SLC22A23: variants seen among roughly 807,000 people sequenced by gnomAD.
SLC22A23 encodes the protein solute carrier family 22 member 23.
In SLC22A23, 26 loss-of-function variants were observed where a neutral mutation model predicts 61.0. The ratio of observed to expected loss-of-function variants is 0.43; its 90% confidence interval spans 0.31 to 0.59. The LOEUF is 0.59. SLC22A23 is among the 20% of genes least tolerant of loss of function. The pLI, the probability that SLC22A23 is intolerant of heterozygous loss-of-function variation, is 0.11. For synonymous variants in SLC22A23, 430 were observed against 413.9 expected, an observed-to-expected ratio of 1.04 and a Z score of -0.47; for missense variants, 796 against 934.7, an observed-to-expected ratio of 0.85 and a Z score of 1.94.
At chr6:3,444,055 A>G (rs1015381947) in intron 1 of SLC22A23, among the ~76,000 whole-genome samples, 5 of 152,188 alleles carry the variant, frequency 3.3e-5, no homozygotes. Flanking sequence ...AGTTACTTGT[A>G]GCCAAAAGAG....
intron 5 of SLC22A23, chr6:3,290,131 A>C: frequency 1.9e-6 from 1 of 523,832 alleles, no homozygotes; most frequent in Non-Finnish European, 3.5e-6. Flanking sequence ...TCCATCACAA[A>C]CCCTTGTTTT....
intron 9 of SLC22A23, among the ~76,000 whole-genome samples, chr6:3,279,509 C>CAAAAAAAAAAAAAAAAA (rs10642564): frequency 0.012 from 420 of 36,010 alleles, 143 homozygotes; most frequent in Middle Eastern, 0.029. Flanking sequence ...GGCTCCGTCT[C>CAAAAAAAAAAAAAAAAA]AAAAAAAAAA....
Position 3,386,616 on chromosome 6 carries a change from G to T in SLC22A23, c.913+23572C>A, listed in dbSNP as rs1340801005. On this transcript the variant is annotated intron_variant, in intron 3 of 9. Transcript: ENST00000406686. This position sits in a 1 kb window ranked among gnomAD's most constrained non-coding sequence, Gnocchi z 4.4. ...AGTAGCCGTGCCAAGCGTGGCTGGG[G>T]ACAGCCCGAGAGCTCAGAACGGCCT... 6.6e-6 allele frequency among the ~76,000 whole-genome samples: 1 copy of T among 152,230 alleles called. No homozygotes were observed. The highest frequency in any genetic ancestry group is 1.5e-5 in the Non-Finnish European group (1 of 68,042).
intron 3 of SLC22A23, among the ~76,000 whole-genome samples, chr6:3,375,075 ATTCT>A (rs1202198888): frequency 6.6e-6 from 1 of 152,212 alleles, no homozygotes; most frequent in African/African-American, 2.4e-5. Flanking sequence ...AAATCCAAAC[ATTCT>A]TTATTTCACA....
At chr6:3,295,319 G>A (rs950628503) in intron 5 of SLC22A23, among the ~76,000 whole-genome samples, 29 of 152,236 alleles carry the variant, frequency 1.9e-4, no homozygotes, top group African/African-American at 6.3e-4. Flanking sequence ...GGAGCTGAGA[G>A]GACAGGGAGT....
In SLC22A23 at chr6:3,296,516, GAATT is replaced by G. The variant is rs542117006; in HGVS notation, c.1210+1571_1210+1574del. ...CACTTGGGGGCTAAATATTAAATAT[GAATT>G]AATATTTGCAAATCACTTAGAAAAG... On this transcript the variant is annotated intron_variant, in intron 5 of 9. Coordinates refer to ENST00000406686, the MANE Select transcript of SLC22A23 (RefSeq NM_015482.2). Among the ~76,000 whole-genome samples the G allele has an allele frequency of 1.3e-4, 20 of 152,314 alleles. No homozygotes were observed. The South Asian group carries it at 3.5e-3, about 27-fold the overall frequency.
intron 1 of SLC22A23, among the ~76,000 whole-genome samples, chr6:3,425,285 C>CTT (rs33955202): frequency 0.52 from 60,126 of 115,710 alleles, 16,853 homozygotes; most frequent in South Asian, 0.73. Context: ...ATGAATAATT[C>CTT]TTTTTTTTTT....
chr6:3,432,488 T>C, intron 1 of SLC22A23: 1 of 705,052 alleles, frequency 1.4e-6, no homozygotes, highest in Non-Finnish European at 1.7e-6. Flanking sequence ...CAGGAACGCG[T>C]CTCCTTCTAG....
rs543604897 is a variant in SLC22A23 at position 3,432,833 on chromosome 6, C to T, written c.655-16978G>A. Among the ~76,000 whole-genome samples the T allele has an allele frequency of 4.6e-5, 7 of 152,362 alleles. No homozygotes were observed. In the East Asian group the frequency reaches 1.3e-3, roughly 29 times the overall value. On this transcript the variant is annotated intron_variant, in intron 1 of 9. Coordinates refer to ENST00000406686, the MANE Select transcript of SLC22A23 (RefSeq NM_015482.2). ...GGTTTTTAGCAAGGAGCAGGCAAAT[C>T]AGGAGGCCTGGCCCTCCTTCTCTCA...
At position 3,330,960 on chromosome 6, in the gene SLC22A23, C is replaced by T. The variant is rs1401108912; in HGVS notation, c.914-6958G>A. ...ACTGAATTAACTACCAATTGAATAC[C>T]TATCATGTCTGCACTACTAGGCGAA... On this transcript the variant is annotated intron_variant, in intron 3 of 9. Transcript: ENST00000406686. The surrounding 1 kb of genome is among the most constrained non-coding windows in gnomAD (Gnocchi z 4.7). Among the ~76,000 whole-genome samples, 1 of 152,192 alleles carries T rather than the reference C, an allele frequency of 6.6e-6. No individual in the cohort carries two copies. The highest frequency in any genetic ancestry group is 1.5e-5 in the Non-Finnish European group (1 of 68,036).
rs1049438775 is a variant in SLC22A23 at position 3,308,239 on chromosome 6, C to T, written c.1083-10021G>A. On this transcript the variant is annotated intron_variant, in intron 4 of 9. Transcript: ENST00000406686. This position sits in a 1 kb window ranked among gnomAD's most constrained non-coding sequence, Gnocchi z 5.1. Reference sequence around the variant, plus strand: ...AATATTACAGAGAAGACGAAAGCCCCCCCATACCGCTCACCCCAATCCCAG... The same window carrying T: ...AATATTACAGAGAAGACGAAAGCCCTCCCATACCGCTCACCCCAATCCCAG... Among the ~76,000 whole-genome samples the T allele has an allele frequency of 6.6e-6, 1 of 152,150 alleles. No individual in the cohort carries two copies. The highest frequency in any genetic ancestry group is 1.5e-5 in the Non-Finnish European group (1 of 68,038).
At chr6:3,280,324 C>T (rs1759321540) in intron 9 of SLC22A23, among the ~76,000 whole-genome samples, 2 of 152,086 alleles carry the variant, frequency 1.3e-5, no homozygotes, top group Admixed American at 6.5e-5. Context: ...TGGGCAGCTC[C>T]GTCTGGTTCC....
At chr6:3,352,651 A>G (rs921854017) in intron 3 of SLC22A23, among the ~76,000 whole-genome samples, 5 of 152,202 alleles carry the variant, frequency 3.3e-5, no homozygotes, top group African/African-American at 1.2e-4. Context: ...TGAATCATGG[A>G]AAATGGACTC....
intron 3 of SLC22A23, among the ~76,000 whole-genome samples, chr6:3,339,864 T>C (rs1489284887): frequency 1.3e-5 from 2 of 152,248 alleles, no homozygotes; most frequent in East Asian, 1.9e-4. Context: ...TTTATTCCTT[T>C]ACTTTCTTAA....
Position 3,324,426 on chromosome 6 carries a change from C to T in SLC22A23, c.914-424G>A, listed in dbSNP as rs973395994. Among the ~76,000 whole-genome samples the T allele has an allele frequency of 2.6e-5, 4 of 152,112 alleles. No homozygotes were observed. Among genetic ancestry groups the T allele is most frequent in the African/African-American group, 7.2e-5 (3 of 41,398 alleles). On this transcript the variant is annotated intron_variant, in intron 3 of 9. Transcript: ENST00000406686. The surrounding 1 kb of genome is among the most constrained non-coding windows in gnomAD (Gnocchi z 4.3). ...CATGATGCTGTATTAGGGGCCATCTCGACCTCTAGACAGGACACCAGGCAT... is the reference window on the plus strand; with the variant it reads ...CATGATGCTGTATTAGGGGCCATCTTGACCTCTAGACAGGACACCAGGCAT...
intron 5 of SLC22A23, among the ~76,000 whole-genome samples, chr6:3,295,869 C>A (rs1025340359): frequency 2.0e-5 from 3 of 152,296 alleles, no homozygotes; most frequent in East Asian, 3.9e-4. Context: ...AAGCCTCTAT[C>A]CTCTTTGTTA....
At chr6:3,398,452 C>T (rs1267316459) in intron 3 of SLC22A23, among the ~76,000 whole-genome samples, 2 of 141,702 alleles carry the variant, frequency 1.4e-5, no homozygotes, top group Non-Finnish European at 3.1e-5. Context: ...ATACAAAGCA[C>T]TATTTTTTTT....
At chr6:3,435,056 G>GA (rs1554160680) in intron 1 of SLC22A23, among the ~76,000 whole-genome samples, 1 of 152,154 alleles carries the variant, frequency 6.6e-6, no homozygotes, top group Non-Finnish European at 1.5e-5. Flanking sequence ...AAGGGTGCTG[G>GA]AAGCGGCTGC....
chr6:3,451,100 G>A (rs1772135963), intron 1 of SLC22A23, among the ~76,000 whole-genome samples: 1 of 152,220 alleles, frequency 6.6e-6, no homozygotes, highest in African/African-American at 2.4e-5. Flanking sequence ...AAGTTCAGCT[G>A]GCATTGATTA....
Sources: gnomAD v4.1 joint callset for allele counts (sites outside exome capture counted in the v4.1 genomes callset) on GRCh38, gnomAD v4.1.1 for gene constraint, Gnocchi (gnomAD v3.1) non-coding constraint, MANE v1.5 for transcripts, NCBI Gene and HGNC (gene_info 2026-07-23, HGNC 2026-07-21) for gene names.